UGGT1: variants seen among roughly 807,000 people sequenced by gnomAD.
UGGT1 encodes UDP-glucose glycoprotein glucosyltransferase 1.
UGGT1 carries 107 observed loss-of-function variants against 203.9 expected under a neutral mutation model. The ratio of observed to expected loss-of-function variants is 0.52; its 90% CI spans 0.45 to 0.62. The LOEUF is 0.62. Ranked by LOEUF, UGGT1 falls within the 20% of genes least tolerant of loss-of-function variation. The pLI is 0.00. For missense variants in UGGT1, 1,673 were observed against 1,867.2 expected, an observed-to-expected ratio of 0.90 and a Z score of 1.92; for synonymous variants, 628 against 653.5, an observed-to-expected ratio of 0.96 and a Z score of 0.59.
rs1691737185 is a variant in UGGT1 at position 128,182,368 on chromosome 2, G to A, written c.4244+78G>A. ...TTTTGTGTGGTTAAAATTGTGAATA[G>A]GTAATACATTGGTATGGTTGAAAAA... On this transcript the variant is annotated intron_variant, in intron 37 of 40. Transcript: ENST00000259253. 6 of 1,477,492 alleles carry A rather than the reference G, an allele frequency of 4.1e-6. No individual in the cohort carries two copies. In the Admixed American group the frequency reaches 6.8e-5, roughly 17 times the overall value. 91.5% of individuals were successfully genotyped at this position (1,477,492 alleles called of 1,614,324 possible).
intron 24 of UGGT1, 35 bp downstream of exon 24, chr2:128,160,626 C>T (rs1690479443): frequency 6.3e-7 from 1 of 1,589,256 alleles, no homozygotes; most frequent in East Asian, 2.3e-5. Context: ...CACATTAGAT[C>T]CGTGAACAGT....
At chr2:128,093,792 T>G (rs1159101152) in intron 1 of UGGT1, among the ~76,000 whole-genome samples, 1 of 152,218 alleles carries the variant, frequency 6.6e-6, no homozygotes, top group Non-Finnish European at 1.5e-5. Flanking sequence ...ACTCAGCATC[T>G]TCGAGCTTTC....
At chr2:128,096,836 A>G (rs999668529) in intron 1 of UGGT1, among the ~76,000 whole-genome samples, 2 of 152,198 alleles carry the variant, frequency 1.3e-5, no homozygotes, top group Non-Finnish European at 1.5e-5. Context: ...TGTGCCACCA[A>G]CTGATTTTTA....
intron 29 of UGGT1, 30 bp from the exon 30 acceptor site, chr2:128,173,751 G>C (rs764117038): frequency 6.2e-7 from 1 of 1,610,892 alleles, no homozygotes; most frequent in South Asian, 1.1e-5. Flanking sequence ...GTCTCTGAGT[G>C]CATTCAAGTG....
intron 4 of UGGT1, among the ~76,000 whole-genome samples, chr2:128,108,759 C>T (rs1329226327): frequency 6.6e-6 from 1 of 152,130 alleles, no homozygotes; most frequent in Non-Finnish European, 1.5e-5. Context: ...TAGTCTGGCA[C>T]CATGGAAAGC....
chr2:128,159,753 A>G, intron 23 of UGGT1, 33 bp downstream of exon 23: 6 of 1,599,684 alleles, frequency 3.8e-6, no homozygotes, highest in African/African-American at 1.3e-5. Flanking sequence ...AGGCTGCCCC[A>G]TTTTGTCTGC....
Position 128,115,548 on chromosome 2 carries a change from A to G in UGGT1, c.793+328A>G, listed in dbSNP as rs374280242. On this transcript the variant is annotated intron_variant, in intron 7 of 40. Transcript: ENST00000259253. ...AGAACCTGGCACAGTGGTTTGCCCA[A>G]AAACGTTCAGCAAGTAGTAGCTATT... is the stretch of plus-strand genomic sequence containing the variant. Among the ~76,000 whole-genome samples the G allele has an allele frequency of 1.5e-4, 23 of 151,958 alleles. No individual in the cohort carries two copies. The East Asian group carries it at 3.7e-3, about 24-fold the overall frequency.
At chr2:128,163,479 G>T (rs1310007383) in intron 25 of UGGT1, among the ~76,000 whole-genome samples, 1 of 151,274 alleles carries the variant, frequency 6.6e-6, no homozygotes, top group South Asian at 2.1e-4. Flanking sequence ...ACTTGGGAAG[G>T]CCGAGGCGGG....
chr2:128,136,908 T>C (rs1689152678), intron 15 of UGGT1, among the ~76,000 whole-genome samples: 1 of 152,214 alleles, frequency 6.6e-6, no homozygotes, highest in Non-Finnish European at 1.5e-5. Flanking sequence ...GTCATTCTGA[T>C]AGGTGTGTGG....
Position 128,150,846 on chromosome 2 carries a change from A to AT in UGGT1, c.2017-1929dup, listed in dbSNP as rs539375859. Among the ~76,000 whole-genome samples the AT allele has an allele frequency of 4.5e-3, 674 of 151,002 alleles. 2 individuals carry two copies. The highest frequency in any genetic ancestry group is 0.016 in the African/African-American group (640 of 41,150). Reference sequence around the variant, plus strand: ...CAAGGCACAGCTTACTTGTTGCCAGATTTTTTTTTCTTTTCTGTTTTTGAG... The same window carrying AT: ...CAAGGCACAGCTTACTTGTTGCCAGATTTTTTTTTTCTTTTCTGTTTTTGAG... On this transcript the variant is annotated intron_variant, in intron 18 of 40. Transcript: ENST00000259253.
At chr2:128,173,977 ACG>A (rs1558819734) in intron 30 of UGGT1, 38 bp downstream of exon 30, 1 of 1,601,660 alleles carries the variant, frequency 6.2e-7, no homozygotes, top group East Asian at 2.2e-5. Flanking sequence ...TATTGTAGTT[ACG>A]TTAATTTGGG....
chr2:128,177,329 A>G (rs563762560), intron 32 of UGGT1, among the ~76,000 whole-genome samples: 1 of 152,304 alleles, frequency 6.6e-6, no homozygotes, highest in African/African-American at 2.4e-5. Flanking sequence ...TATATTCTTG[A>G]AGAAAGAATC....
intron 30 of UGGT1, among the ~76,000 whole-genome samples, 182 bp from the exon 31 acceptor site, chr2:128,174,591 G>A (rs1691281536): frequency 6.6e-6 from 1 of 152,060 alleles, no homozygotes; most frequent in Non-Finnish European, 1.5e-5. Flanking sequence ...GTGAGCCACC[G>A]CACCTGGTCT....
rs1691595230 is a variant in UGGT1 at position 128,179,823 on chromosome 2, C to T, written c.3853C>T (p.Pro1285Ser). 1 of 1,614,016 alleles carries T rather than the reference C, an allele frequency of 6.2e-7. No individual in the cohort carries two copies. Among genetic ancestry groups the T allele is most frequent in the African/African-American group, 1.3e-5 (1 of 75,026 alleles). The change falls in exon 35 of 41, where the codon CCT (proline) becomes TCT (serine). Residue 1285 changes from proline (P) to serine (S), a missense_variant. Transcript: ENST00000259253. ...ATCCGTGCTGAAGAATACCAAGACT[C>T]CTGTGAAATTCTGGTTCTTGAAGAA... is the stretch of plus-strand genomic sequence containing the variant. ...MLSVLKNTKT[P>S]VKFWFLKNYL...
intron 29 of UGGT1, 117 bp downstream of exon 29, chr2:128,172,879 C>G: frequency 5.3e-6 from 5 of 942,278 alleles, no homozygotes; most frequent in Non-Finnish European, 7.8e-6. Context: ...TTTTAAACAA[C>G]AGCTTTATTC....
chr2:128,178,413 C>A, intron 33 of UGGT1, 55 bp from the exon 34 acceptor site: 1 of 1,418,106 alleles, frequency 7.1e-7, no homozygotes, highest in Non-Finnish European at 9.7e-7. Flanking sequence ...CTTTCAAAGG[C>A]CGTGTGTCTG....
intron 7 of UGGT1, among the ~76,000 whole-genome samples, chr2:128,115,486 A>T (rs1414655470): frequency 4.4e-4 from 2 of 4,522 alleles, no homozygotes; most frequent in Non-Finnish European, 2.9e-3. Context: ...CATGTACTAA[A>T]AAAAAAAAAA....
At chr2:128,147,454 C>A (rs1689745289) in intron 18 of UGGT1, among the ~76,000 whole-genome samples, 1 of 152,062 alleles carries the variant, frequency 6.6e-6, no homozygotes, top group African/African-American at 2.4e-5. Flanking sequence ...TATTTAAATT[C>A]TTTTTCTAAT....
intron 8 of UGGT1, among the ~76,000 whole-genome samples, chr2:128,117,026 G>A (rs1468017935): frequency 1.3e-5 from 2 of 152,108 alleles, no homozygotes; most frequent in African/African-American, 4.8e-5. Context: ...GCAAAAATGC[G>A]AAATAGATAT....
Sources: allele counts gnomAD v4.1 joint callset (sites outside exome capture counted in the v4.1 genomes callset), GRCh38; gene constraint gnomAD v4.1.1; transcripts MANE v1.5; gene names NCBI Gene and HGNC (gene_info 2026-07-23, HGNC 2026-07-21).